NAALADL2: variants seen among roughly 807,000 people sequenced by gnomAD.
The protein encoded by NAALADL2 is inactive N-acetylated-alpha-linked acidic dipeptidase-like protein 2.
Under a neutral mutation model 87.2 loss-of-function variants are expected in NAALADL2, and 76 were observed. That is an observed-to-expected ratio of 0.87 (90% confidence interval 0.72 to 1.05). The LOEUF is 1.05. Among genes scored for constraint, NAALADL2 ranks in the 50% least tolerant of loss-of-function variants. The pLI, the probability that NAALADL2 is intolerant of heterozygous loss-of-function variation, is 0.00. For missense variants in NAALADL2, 1,089 were observed against 945.8 expected (o/e 1.15, Z -1.99); for synonymous variants, 354 against 331.0 (o/e 1.07, Z -0.75).
intron 6 of NAALADL2, among the ~76,000 whole-genome samples, chr3:175,462,754 T>C (rs934546263): frequency 2.6e-5 from 4 of 152,150 alleles, no homozygotes; most frequent in African/African-American, 9.7e-5. Context: ...CTTTGCCTTA[T>C]TTGCAAAATT....
intron 10 of NAALADL2, among the ~76,000 whole-genome samples, chr3:175,600,736 A>T (rs1460526707): frequency 1.3e-5 from 2 of 150,620 alleles, no homozygotes; most frequent in Non-Finnish European, 3.0e-5. Context: ...ACGGGTTTTC[A>T]CCGTGTTAGC....
chr3:175,647,729 C>G (rs1730208218), intron 11 of NAALADL2, among the ~76,000 whole-genome samples: 1 of 152,252 alleles, frequency 6.6e-6, no homozygotes, highest in Admixed American at 6.5e-5. Context: ...ACACCTGGAG[C>G]CCTGTATAAA....
chr3:175,061,042 G>A (rs777274811), intron 1 of NAALADL2, among the ~76,000 whole-genome samples: 14 of 151,858 alleles, frequency 9.2e-5, no homozygotes, highest in South Asian at 2.1e-4. Flanking sequence ...GCGAAACTCC[G>A]TCTCAAAAAA....
At chr3:175,139,799 A>G (rs1729722519) in intron 2 of NAALADL2, among the ~76,000 whole-genome samples, 1 of 152,162 alleles carries the variant, frequency 6.6e-6, no homozygotes, top group Non-Finnish European at 1.5e-5. Context: ...AAAATTATGC[A>G]TTGCAAATTA....
chr3:175,164,187 TTAA>T (rs540393441), intron 2 of NAALADL2, among the ~76,000 whole-genome samples: 3 of 151,946 alleles, frequency 2.0e-5, no homozygotes, highest in Admixed American at 6.6e-5. Context: ...TAAAGAAAAC[TTAA>T]TATAGCCATG....
intron 2 of NAALADL2, among the ~76,000 whole-genome samples, chr3:174,562,459 T>A (rs896954684): frequency 8.6e-5 from 13 of 151,950 alleles, no homozygotes; most frequent in Admixed American, 7.2e-4. Flanking sequence ...ATAAGAAAAA[T>A]TTTTTTGTGG....
intron 1 of NAALADL2, among the ~76,000 whole-genome samples, chr3:174,508,386 T>G (rs981330060): frequency 3.3e-5 from 5 of 152,148 alleles, no homozygotes; most frequent in African/African-American, 4.8e-5. Context: ...GTGCCAGGAA[T>G]AGAGGCGTGT....
chr3:174,606,300 A>G (rs1719054331), intron 2 of NAALADL2, among the ~76,000 whole-genome samples: 2 of 152,258 alleles, frequency 1.3e-5, no homozygotes, highest in South Asian at 2.1e-4. Context: ...CTCACCAGCA[A>G]TGGAACAAAG....
intron 9 of NAALADL2, among the ~76,000 whole-genome samples, chr3:175,474,860 T>C (rs75695198): frequency 0.015 from 2,267 of 151,866 alleles, 118 homozygotes; most frequent in East Asian, 0.14. Flanking sequence ...GGTGTCCACT[T>C]TGAGTGGAAA....
intron 3 of NAALADL2, among the ~76,000 whole-genome samples, chr3:174,758,089 C>A (rs879475062): frequency 6.6e-6 from 1 of 152,270 alleles, no homozygotes; most frequent in Non-Finnish European, 1.5e-5. Flanking sequence ...AACTGCAGGT[C>A]ATGAGTGCCA....
chr3:175,613,481 T>G (rs1453843827), intron 10 of NAALADL2, among the ~76,000 whole-genome samples: 2 of 152,194 alleles, frequency 1.3e-5, no homozygotes, highest in Non-Finnish European at 2.9e-5. Flanking sequence ...TTATATGAAA[T>G]GAACATACAT....
Position 175,459,948 on chromosome 3 carries a change from C to A in NAALADL2, c.1235-3453C>A, listed in dbSNP as rs575406761. The A allele has an allele frequency of 4.1e-4, 124 of 303,830 alleles. 1 individual carries two copies. The highest frequency in any genetic ancestry group is 3.3e-3 in the South Asian group (119 of 35,784). The allele number at this position is 303,830 out of a possible 1,614,324, so 18.8% of individuals were successfully genotyped here. A position where few individuals can be genotyped will look rare whatever the true frequency, so the allele number is the denominator to read the frequency against. ...CAGCATATCCATGTTTCTAAATATTCTTTTTACATTTTTAACAGCCACACA... is the reference window on the plus strand; with the variant it reads ...CAGCATATCCATGTTTCTAAATATTATTTTTACATTTTTAACAGCCACACA... On this transcript the variant is annotated intron_variant, in intron 6 of 13. Transcript: ENST00000454872.
chr3:175,391,846 T>A (rs1769113446), intron 5 of NAALADL2, among the ~76,000 whole-genome samples: 1 of 152,116 alleles, frequency 6.6e-6, no homozygotes, highest in East Asian at 1.9e-4. Context: ...ATTACCTGGA[T>A]TATACTAGAT....
rs111413934 is a variant in NAALADL2 at position 175,198,612 on chromosome 3, T to A, written c.546-35319T>A. On this transcript the variant is annotated intron_variant, in intron 2 of 13. Coordinates refer to ENST00000454872, the MANE Select transcript of NAALADL2 (RefSeq NM_207015.3). Reference sequence around the variant, plus strand: ...TCTTACTTACCTTGCCTTGAAATGATAATGTTGAAGGAGGGTTGCAGTGAT... The same window carrying A: ...TCTTACTTACCTTGCCTTGAAATGAAAATGTTGAAGGAGGGTTGCAGTGAT... 4.9e-3 allele frequency among the ~76,000 whole-genome samples: 742 copies of A among 152,186 alleles called. 3 individuals are homozygous for A. The highest frequency in any genetic ancestry group is 0.017 in the African/African-American group (710 of 41,528).
At chr3:175,319,680 C>T (rs1229786016) in intron 4 of NAALADL2, among the ~76,000 whole-genome samples, 1 of 152,072 alleles carries the variant, frequency 6.6e-6, no homozygotes, top group Non-Finnish European at 1.5e-5. Flanking sequence ...ATTAGCCATG[C>T]ATGGTGGTGC....
chr3:175,456,546 C>T (rs753716748), intron 6 of NAALADL2, among the ~76,000 whole-genome samples: 48 of 152,004 alleles, frequency 3.2e-4, no homozygotes, highest in Admixed American at 9.2e-4. Flanking sequence ...CAACTTTCAA[C>T]GGTGAATTTT....
In NAALADL2 at chr3:175,610,836, AC is replaced by A. The variant is rs1488054252; in HGVS notation, c.1801-16453del. ...TACTGAACAGTTCTCTGTGCCAGCA[AC>A]CATTCTGAGTGTTTTGCTCATTGTT... On this transcript the variant is annotated intron_variant, in intron 10 of 13. Transcript: ENST00000454872. 5.3e-5 allele frequency among the ~76,000 whole-genome samples: 8 copies of A among 152,122 alleles called. No individual in the cohort carries two copies. In the East Asian group the frequency reaches 1.5e-3, roughly 29 times the overall value.
chr3:174,957,803 A>C (rs1449754373), intron 1 of NAALADL2, among the ~76,000 whole-genome samples: 1 of 152,002 alleles, frequency 6.6e-6, no homozygotes, highest in Admixed American at 6.6e-5. Flanking sequence ...TGAATAAAGA[A>C]GCTTTGAGGC....
chr3:174,630,942 A>G (rs985522635), intron 2 of NAALADL2, among the ~76,000 whole-genome samples: 5 of 152,202 alleles, frequency 3.3e-5, no homozygotes, highest in East Asian at 1.9e-4. Context: ...TCACTTTCAG[A>G]AGGGATTTTG....
Sources: allele counts gnomAD v4.1 joint callset (sites outside exome capture counted in the v4.1 genomes callset), GRCh38; gene constraint gnomAD v4.1.1; transcripts MANE v1.5; gene names NCBI Gene and HGNC (gene_info 2026-07-23, HGNC 2026-07-21).